Variants in PRKCB observed in about 807,000 individuals in gnomAD.
PRKCB encodes the protein protein kinase C beta type.
Under a neutral mutation model 81.5 loss-of-function variants are expected in PRKCB, and 13 were observed. That is an observed-to-expected ratio of 0.16 (90% CI 0.10 to 0.25). The LOEUF is 0.25. PRKCB is among the 10% of genes least tolerant of loss of function. The probability of loss-of-function intolerance (pLI) is 1.00; values close to 1 mark genes in which losing one functional copy is unlikely to be tolerated. For synonymous variants in PRKCB, 335 were observed against 321.4 expected (o/e 1.04, Z -0.45); for missense variants, 509 against 875.7 (o/e 0.58, Z 5.29).
intron 3 of PRKCB, among the ~76,000 whole-genome samples, chr16:23,994,919 C>T (rs1203434250): frequency 6.6e-6 from 1 of 152,170 alleles, no homozygotes; most frequent in Non-Finnish European, 1.5e-5. Flanking sequence ...TTTCCTTCCA[C>T]AAGCTATGAC....
At chr16:24,061,930 A>AAAAAAC (rs1567361049) in intron 5 of PRKCB, among the ~76,000 whole-genome samples, 8 of 146,594 alleles carry the variant, frequency 5.5e-5, no homozygotes, top group African/African-American at 1.0e-4. Context: ...AAAAAAAAAA[A>AAAAAAC]AAACTTGAGG....
At chr16:24,042,742 A>ATT (rs1246366808) in intron 5 of PRKCB, among the ~76,000 whole-genome samples, 1,545 of 71,460 alleles carry the variant, frequency 0.022, 35 homozygotes, top group African/African-American at 0.084. Context: ...ATACATACAA[A>ATT]ATTTTTTTTT....
At chr16:23,839,189 C>G (rs1348631890) in intron 2 of PRKCB, among the ~76,000 whole-genome samples, 3 of 151,660 alleles carry the variant, frequency 2.0e-5, no homozygotes, top group Non-Finnish European at 2.9e-5. Flanking sequence ...AACTCAAAGT[C>G]TGGAAGATAA....
At chr16:24,176,699 C>T (rs1025015027) in intron 12 of PRKCB, among the ~76,000 whole-genome samples, 1 of 152,076 alleles carries the variant, frequency 6.6e-6, no homozygotes, top group African/African-American at 2.4e-5. Flanking sequence ...TGGTGACCAG[C>T]CTGGCTAACA....
At chr16:23,856,858 G>T (rs1029523450) in intron 2 of PRKCB, among the ~76,000 whole-genome samples, 1 of 152,138 alleles carries the variant, frequency 6.6e-6, no homozygotes, top group Non-Finnish European at 1.5e-5. Context: ...AACATATATA[G>T]CCATGAGTGA....
intron 2 of PRKCB, among the ~76,000 whole-genome samples, chr16:23,888,947 G>T (rs904496196): frequency 2.0e-5 from 3 of 152,162 alleles, no homozygotes; most frequent in South Asian, 4.1e-4. Flanking sequence ...GGCTAAGATG[G>T]GGGGAGTATG....
chr16:23,967,556 C>T (rs930980888), intron 2 of PRKCB, among the ~76,000 whole-genome samples: 12 of 152,242 alleles, frequency 7.9e-5, no homozygotes, highest in Non-Finnish European at 1.5e-4. Context: ...CAATTCCTAA[C>T]AGCAGGAGGT....
chr16:23,873,189 CAAAAA>C lies in PRKCB; in HGVS notation c.205+35799_205+35803del, dbSNP rs1044352544. ...CTAAAAACACACACACACACACACA[CAAAAA>C]AAAAAAAAAAAAAAAGAAAAAAAAA... On this transcript the variant is annotated intron_variant, in intron 2 of 16. Coordinates refer to ENST00000643927, the MANE Select transcript of PRKCB (RefSeq NM_002738.7). Among the ~76,000 whole-genome samples, 629 of 67,898 alleles carry C rather than the reference CAAAAA, an allele frequency of 9.3e-3. 12 individuals are homozygous for C. The highest frequency in any genetic ancestry group is 0.039 in the African/African-American group (556 of 14,358). 44.5% of individuals were successfully genotyped at this position (67,898 alleles called of 152,430 possible).
At chr16:23,986,549 G>T (rs933937555) in intron 2 of PRKCB, among the ~76,000 whole-genome samples, 3 of 152,046 alleles carry the variant, frequency 2.0e-5, no homozygotes, top group African/African-American at 7.2e-5. Flanking sequence ...ACCACACCCG[G>T]TTTCTATTCT....
At chr16:23,945,571 A>T (rs1056770905) in intron 2 of PRKCB, among the ~76,000 whole-genome samples, 6 of 152,052 alleles carry the variant, frequency 3.9e-5, no homozygotes, top group Non-Finnish European at 7.4e-5. Flanking sequence ...TTTGGGGTGG[A>T]TGGAGGTGCT....
rs1236711010 is a variant in PRKCB at position 24,214,932 on chromosome 16, C to T, written c.*116C>T. ...ATCCATGTTTGATTTTCTGATGAGA[C>T]TAGAGTGACAGTGTTTCAGAACCCA... On this transcript the variant is annotated 3_prime_UTR_variant, in exon 17 of 17. Coordinates refer to ENST00000643927, the MANE Select transcript of PRKCB (RefSeq NM_002738.7). 14 of 1,527,698 alleles carry T rather than the reference C, an allele frequency of 9.2e-6. 1 individual carries two copies. Among genetic ancestry groups the T allele is most frequent in the Middle Eastern group, 2.3e-4 (1 of 4,374 alleles). The allele number at this position is 1,527,698 out of a possible 1,614,324, so 94.6% of individuals were successfully genotyped here.
intron 2 of PRKCB, among the ~76,000 whole-genome samples, chr16:23,922,630 A>G (rs185671809): frequency 2.0e-4 from 30 of 152,360 alleles, no homozygotes; most frequent in Admixed American, 1.0e-3. Flanking sequence ...GTTGGTCACT[A>G]CAGAATGATC....
intron 3 of PRKCB, among the ~76,000 whole-genome samples, chr16:24,029,868 G>A (rs1347563610): frequency 1.3e-5 from 2 of 152,190 alleles, no homozygotes; most frequent in East Asian, 3.9e-4. Flanking sequence ...GGAACCTAAG[G>A]CCCATGTTAT....
intron 5 of PRKCB, among the ~76,000 whole-genome samples, chr16:24,055,845 C>T (rs1456327909): frequency 6.6e-6 from 1 of 152,184 alleles, no homozygotes; most frequent in Non-Finnish European, 1.5e-5. Flanking sequence ...TTCAGTCTCT[C>T]TCTCTCTCGA....
At chr16:24,141,854 G>A (rs1966906230) in intron 9 of PRKCB, among the ~76,000 whole-genome samples, 1 of 152,198 alleles carries the variant, frequency 6.6e-6, no homozygotes, top group African/African-American at 2.4e-5. Context: ...GATCTCCCAG[G>A]ACATAGATTT....
Position 24,069,437 on chromosome 16 carries a change from T to A in PRKCB, c.530-23354T>A, listed in dbSNP as rs139314405. 3.7e-3 allele frequency among the ~76,000 whole-genome samples: 560 copies of A among 152,272 alleles called. 1 individual carries two copies. The highest frequency in any genetic ancestry group is 0.012 in the African/African-American group (517 of 41,560). On this transcript the variant is annotated intron_variant, in intron 5 of 16. Transcript: ENST00000643927. ...GGGACGAGCAGTGCTGTGCTGTGTA[T>A]AGAGTGCTTAAAACAGTGCCTGGGT...
intron 5 of PRKCB, among the ~76,000 whole-genome samples, chr16:24,086,208 T>C (rs1409250538): frequency 6.6e-6 from 1 of 152,018 alleles, no homozygotes; most frequent in Non-Finnish European, 1.5e-5. Flanking sequence ...CAGGAATCGA[T>C]GGGACACAAA....
At chr16:23,855,127 G>C (rs1291351369) in intron 2 of PRKCB, among the ~76,000 whole-genome samples, 1 of 151,994 alleles carries the variant, frequency 6.6e-6, no homozygotes, top group Non-Finnish European at 1.5e-5. Flanking sequence ...ACTTGAGGAG[G>C]GAGAGAATAA....
At chr16:24,005,881 A>C (rs1460010582) in intron 3 of PRKCB, among the ~76,000 whole-genome samples, 1 of 152,202 alleles carries the variant, frequency 6.6e-6, no homozygotes, top group Non-Finnish European at 1.5e-5. Context: ...ACATAACCCC[A>C]AGTGGGGACA....
Sources: allele counts gnomAD v4.1 joint callset (sites outside exome capture counted in the v4.1 genomes callset), GRCh38; gene constraint gnomAD v4.1.1; transcripts MANE v1.5; gene names NCBI Gene and HGNC (gene_info 2026-07-23, HGNC 2026-07-21).